Variants in GLCCI1 observed in about 807,000 individuals in gnomAD.
GLCCI1 encodes the protein glucocorticoid-induced transcript 1 protein.
In GLCCI1, 24 loss-of-function variants were observed where a neutral mutation model predicts 52.2. The observed-to-expected ratio is 0.46, with a 90% CI of 0.33 to 0.65. The LOEUF is 0.65. Ranked by LOEUF, GLCCI1 falls within the 30% of genes least tolerant of loss-of-function variation. The probability of loss-of-function intolerance (pLI) is 0.02; values close to 1 mark genes in which losing one functional copy is unlikely to be tolerated. For missense variants in GLCCI1, 704 were observed against 701.5 expected (o/e 1.00, Z -0.04); for synonymous variants, 310 against 276.5 (o/e 1.12, Z -1.20).
intron 1 of GLCCI1, among the ~76,000 whole-genome samples, chr7:7,982,602 A>T (rs147998611): frequency 5.9e-5 from 9 of 152,302 alleles, no homozygotes; most frequent in African/African-American, 2.2e-4. Flanking sequence ...GATCTAGAAT[A>T]TTGCCTATAC....
chr7:7,986,384 G>C (rs983147510), intron 1 of GLCCI1, among the ~76,000 whole-genome samples: 9 of 152,008 alleles, frequency 5.9e-5, no homozygotes, highest in East Asian at 3.9e-4. Flanking sequence ...CAGGGGGAGG[G>C]GGGGGTGGCA....
chr7:8,059,188 C>T (rs13242904), intron 4 of GLCCI1, among the ~76,000 whole-genome samples: 3,409 of 152,156 alleles, frequency 0.022, 63 homozygotes, highest in East Asian at 0.068. Context: ...TGAAAAAATA[C>T]TGATAGTAAT....
intron 3 of GLCCI1, among the ~76,000 whole-genome samples, chr7:8,042,188 C>G (rs1183831648): frequency 2.0e-5 from 3 of 152,178 alleles, no homozygotes; most frequent in Admixed American, 2.0e-4. Context: ...CCTGCTAACA[C>G]AACATCCATT....
At position 7,987,770 on chromosome 7, in the gene GLCCI1, T is replaced by A. The variant is rs1031849012; in HGVS notation, c.458-16138T>A. 5.1e-4 allele frequency among the ~76,000 whole-genome samples: 78 copies of A among 151,972 alleles called. 1 individual carries two copies. The highest frequency in any genetic ancestry group is 1.7e-3 in the African/African-American group (69 of 41,378). ...GTCTGGCTAATTTATTTTTTATTTTTTATTTTTTTTAGAAATGGGGTTCCA... is the reference window on the plus strand; with the variant it reads ...GTCTGGCTAATTTATTTTTTATTTTATATTTTTTTTAGAAATGGGGTTCCA... On this transcript the variant is annotated intron_variant, in intron 1 of 7. Coordinates refer to ENST00000223145, the MANE Select transcript of GLCCI1 (RefSeq NM_138426.4).
chr7:7,996,610 A>C (rs746254241), intron 1 of GLCCI1, among the ~76,000 whole-genome samples: 3 of 152,172 alleles, frequency 2.0e-5, no homozygotes, highest in Non-Finnish European at 4.4e-5. Context: ...ATTTGACATA[A>C]GTTTATTGGG....
At chr7:7,985,548 A>G (rs554688269) in intron 1 of GLCCI1, among the ~76,000 whole-genome samples, 1 of 152,348 alleles carries the variant, frequency 6.6e-6, no homozygotes, top group South Asian at 2.1e-4. Flanking sequence ...AGTTAAAAAA[A>G]AACCAGTGAA....
intron 1 of GLCCI1, among the ~76,000 whole-genome samples, chr7:7,989,597 A>G (rs1780801112): frequency 6.6e-6 from 1 of 152,122 alleles, no homozygotes; most frequent in African/African-American, 2.4e-5. Context: ...TGCTTTGGTA[A>G]AGAGGTCTAG....
At chr7:8,016,464 A>G (rs1454590452) in intron 2 of GLCCI1, among the ~76,000 whole-genome samples, 1 of 152,120 alleles carries the variant, frequency 6.6e-6, no homozygotes, top group Non-Finnish European at 1.5e-5. Context: ...GCGAGACTCC[A>G]TCTCAAAAAC....
intron 5 of GLCCI1, among the ~76,000 whole-genome samples, chr7:8,069,397 A>G (rs1287623974): frequency 6.6e-6 from 1 of 152,032 alleles, no homozygotes. Flanking sequence ...TCCTAGTACA[A>G]GGGTAGCAAG....
rs1781517456 is a variant in GLCCI1 at position 8,022,531 on chromosome 7, C to T, written c.658C>T (p.Arg220Cys). Residue 220 changes from arginine to cysteine, a missense_variant, in exon 3 of 8, where the codon CGT becomes TGT. By Grantham distance (180) the Arg-to-Cys change is radical (BLOSUM62 -3). Coordinates refer to ENST00000223145, the MANE Select transcript of GLCCI1 (RefSeq NM_138426.4). The part of the protein sequence containing the change: ...EEGAEKRSHQ[R>C]SASWGSADQL... ...GGGTGCAGAAAAGAGGTCACATCAG[C>T]GTTCTGCGTCATGGGGGAGTGCTGA... The T allele has an allele frequency of 1.3e-6, 2 of 1,584,754 alleles. No individual in the cohort carries two copies. Among genetic ancestry groups the T allele is most frequent in the Non-Finnish European group, 1.7e-6 (2 of 1,164,064 alleles).
chr7:7,981,828 TAGG>T (rs1780628139), intron 1 of GLCCI1: 1 of 427,228 alleles, frequency 2.3e-6, no homozygotes, highest in African/African-American at 2.1e-5. Flanking sequence ...TAAGCCCAAA[TAGG>T]AGGCAAAATA....
At chr7:7,981,385 C>T (rs113266259) in intron 1 of GLCCI1, among the ~76,000 whole-genome samples, 1 of 151,902 alleles carries the variant, frequency 6.6e-6, no homozygotes, top group African/African-American at 2.4e-5. Context: ...TGCAGTGGCA[C>T]GATCTCGGCT....
In GLCCI1 at chr7:7,993,628, C is replaced by G. The variant is rs185012749; in HGVS notation, c.458-10280C>G. ...GGACCATCAGAAGCCTGGGTACATT[C>G]CTTTGCTGTCTCTCACACAGATGCT... On this transcript the variant is annotated intron_variant, in intron 1 of 7. Coordinates refer to ENST00000223145, the MANE Select transcript of GLCCI1 (RefSeq NM_138426.4). Among the ~76,000 whole-genome samples the G allele has an allele frequency of 4.8e-3, 727 of 152,228 alleles. 4 individuals carry two copies. Among genetic ancestry groups the G allele is most frequent in the African/African-American group, 0.017 (687 of 41,526 alleles).
At chr7:7,979,174 G>T (rs1374401932) in intron 1 of GLCCI1, among the ~76,000 whole-genome samples, 2 of 151,816 alleles carry the variant, frequency 1.3e-5, no homozygotes, top group Non-Finnish European at 2.9e-5. Flanking sequence ...TTAGATTTTT[G>T]AAAAAAGCTA....
intron 3 of GLCCI1, among the ~76,000 whole-genome samples, chr7:8,025,313 C>T (rs748738812): frequency 1.4e-4 from 22 of 152,128 alleles, no homozygotes; most frequent in Non-Finnish European, 2.6e-4. Context: ...GCACTGCAGC[C>T]TGGGTGACAG....
rs1044295268 is a variant in GLCCI1 at position 8,088,660 on chromosome 7, A to G, written c.*2122A>G. ...TGTCCAAATAAAATGCAATAGTATC[A>G]ATATCAATTTCAGAAAAATGGACTG... On this transcript the variant is annotated 3_prime_UTR_variant, in exon 8 of 8. Transcript: ENST00000223145. 5 of 152,774 alleles carry G rather than the reference A, an allele frequency of 3.3e-5. No individual in the cohort carries two copies. The East Asian group carries it at 9.6e-4, about 29-fold the overall frequency. The allele number at this position is 152,774 out of a possible 1,614,324, so 9.5% of individuals were successfully genotyped here. A position where few individuals can be genotyped will look rare whatever the true frequency, so the allele number is the denominator to read the frequency against.
At chr7:7,990,824 G>A (rs1416224824) in intron 1 of GLCCI1, among the ~76,000 whole-genome samples, 1 of 152,052 alleles carries the variant, frequency 6.6e-6, no homozygotes, top group Non-Finnish European at 1.5e-5. Flanking sequence ...CTGTGTTTCC[G>A]TATTTCTGAA....
At position 7,969,851 on chromosome 7, in the gene GLCCI1, G is replaced by C. The variant is rs1780304374; in HGVS notation, c.457+44G>C. 1 of 1,354,994 alleles carries C rather than the reference G, an allele frequency of 7.4e-7. No individual in the cohort carries two copies. The highest frequency in any genetic ancestry group is 1.4e-5 in the South Asian group (1 of 71,744). 83.9% of individuals were successfully genotyped at this position (1,354,994 alleles called of 1,614,324 possible). A position where few individuals can be genotyped will look rare whatever the true frequency, so the allele number is the denominator to read the frequency against. On this transcript the variant is annotated intron_variant, in intron 1 of 7. Transcript: ENST00000223145. The surrounding 1 kb of genome is among the most constrained non-coding windows in gnomAD (Gnocchi z 4.9). ...CCGTCCTCCCGGGCTGCGTCTCCCC[G>C]ACGGTGCCCTCCGTGGAAACTTCAG...
Position 7,969,199 on chromosome 7 carries a change from G to A in GLCCI1, c.-152G>A, listed in dbSNP as rs929051198. On this transcript the variant is annotated 5_prime_UTR_variant, in exon 1 of 8. Transcript: ENST00000223145. The surrounding 1 kb of genome is among the most constrained non-coding windows in gnomAD (Gnocchi z 4.9). ...GGCGGCGGGGGTGTGCGTTGGGGAG[G>A]GGGAGCCCCGAGACTCCTCCCCCAC... The A allele has an allele frequency of 4.1e-6, 3 of 731,228 alleles. No homozygotes were observed. The highest frequency in any genetic ancestry group is 4.7e-5 in the Admixed American group (1 of 21,438). The allele number at this position is 731,228 out of a possible 1,614,324, so 45.3% of individuals were successfully genotyped here.
Sources: allele counts gnomAD v4.1 joint callset (sites outside exome capture counted in the v4.1 genomes callset), GRCh38; gene constraint gnomAD v4.1.1; non-coding constraint Gnocchi (gnomAD v3.1); transcripts MANE v1.5; gene names NCBI Gene and HGNC (gene_info 2026-07-23, HGNC 2026-07-21).